The following PTPRD variants were observed in gnomAD, a reference collection of about 807,000 sequenced individuals.
PTPRD encodes the protein protein tyrosine phosphatase receptor type D.
PTPRD carries 34 observed loss-of-function variants against 214.5 expected under a neutral mutation model. The observed-to-expected ratio is 0.16, with a 90% confidence interval of 0.12 to 0.21. The LOEUF (loss-of-function observed/expected upper bound fraction) is 0.21. Among genes scored for constraint, PTPRD ranks in the 10% least tolerant of loss-of-function variants. PTPRD has a pLI of 1.00. For synonymous variants in PTPRD, 1,128 were observed against 845.7 expected (o/e 1.33, Z -5.79); for missense variants, 2,545 against 2,398.7 (o/e 1.06, Z -1.27).
intron 9 of PTPRD, among the ~76,000 whole-genome samples, chr9:9,233,097 C>T (rs1327677152): frequency 6.6e-6 from 1 of 152,060 alleles, no homozygotes; most frequent in African/African-American, 2.4e-5. Context: ...AGTTTGTTCC[C>T]ATGCTGCTAT....
intron 6 of PTPRD, among the ~76,000 whole-genome samples, chr9:9,747,002 G>C (rs774238175): frequency 2.0e-5 from 3 of 152,142 alleles, no homozygotes; most frequent in Non-Finnish European, 4.4e-5. Context: ...ATGTTAAACA[G>C]TTAAAAATTC....
chr9:9,548,555 T>C (rs7869663), intron 8 of PTPRD, among the ~76,000 whole-genome samples: 30,597 of 151,646 alleles, frequency 0.2, 3,431 homozygotes, highest in Non-Finnish European at 0.24. Context: ...TCTGCCACCA[T>C]GCCTGGCTAA....
intron 10 of PTPRD, among the ~76,000 whole-genome samples, chr9:9,118,764 T>G (rs996703997): frequency 4.6e-5 from 7 of 152,160 alleles, no homozygotes; most frequent in African/African-American, 1.7e-4. Flanking sequence ...CCTGCCCTTT[T>G]TATTTTTATA....
chr9:8,344,735 A>G (rs980322043), intron 39 of PTPRD, among the ~76,000 whole-genome samples: 1 of 152,028 alleles, frequency 6.6e-6, no homozygotes, highest in Non-Finnish European at 1.5e-5. Flanking sequence ...CTTGAGGCTT[A>G]AGGTACCTCT....
intron 2 of PTPRD, among the ~76,000 whole-genome samples, chr9:10,538,837 CT>C (rs1233758286): frequency 1.3e-5 from 2 of 152,056 alleles, no homozygotes; most frequent in African/African-American, 4.8e-5. Flanking sequence ...TGATAAATAT[CT>C]TGAATCTTGA....
At chr9:10,503,850 C>T (rs1207263194) in intron 2 of PTPRD, among the ~76,000 whole-genome samples, 1 of 151,832 alleles carries the variant, frequency 6.6e-6, no homozygotes, top group Non-Finnish European at 1.5e-5. Flanking sequence ...GGCGCGGGGG[C>T]TCACACCTGT....
At chr9:9,348,601 G>T (rs977505693) in intron 9 of PTPRD, among the ~76,000 whole-genome samples, 1 of 152,076 alleles carries the variant, frequency 6.6e-6, no homozygotes, top group East Asian at 1.9e-4. Context: ...CAGACACACT[G>T]TGTAATGGGA....
chr9:9,754,174 T>A (rs1366595387), intron 6 of PTPRD, among the ~76,000 whole-genome samples: 1 of 152,050 alleles, frequency 6.6e-6, no homozygotes, highest in Non-Finnish European at 1.5e-5. Context: ...TGAAACAGAA[T>A]TAATGACAAG....
intron 7 of PTPRD, among the ~76,000 whole-genome samples, chr9:9,728,709 G>A (rs1260219403): frequency 6.6e-6 from 1 of 152,062 alleles, no homozygotes; most frequent in African/African-American, 2.4e-5. Flanking sequence ...TTGTTAGATG[G>A]TCTTTAATAT....
intron 10 of PTPRD, among the ~76,000 whole-genome samples, chr9:9,162,129 G>A (rs541705932): frequency 2.0e-5 from 3 of 152,082 alleles, no homozygotes; most frequent in African/African-American, 7.2e-5. Flanking sequence ...GTCCATTTGT[G>A]CCTAGAAAAT....
At chr9:8,381,474 C>T (rs1338595451) in intron 37 of PTPRD, among the ~76,000 whole-genome samples, 3 of 151,944 alleles carry the variant, frequency 2.0e-5, no homozygotes, top group African/African-American at 7.3e-5. Context: ...GTTCTCTGCA[C>T]TCAATCAATA....
At chr9:10,334,914 A>C (rs1187750744) in intron 3 of PTPRD, among the ~76,000 whole-genome samples, 4 of 151,764 alleles carry the variant, frequency 2.6e-5, no homozygotes, top group Admixed American at 6.6e-5. Flanking sequence ...CATGATACAC[A>C]CTATGAAACT....
intron 39 of PTPRD, among the ~76,000 whole-genome samples, chr9:8,345,686 G>A (rs1195562089): frequency 9.2e-5 from 14 of 152,112 alleles, no homozygotes; most frequent in Admixed American, 8.5e-4. Context: ...CCTGTATCAC[G>A]GTTCCATTGA....
rs2095702420 is a variant in PTPRD at position 8,618,865 on chromosome 9, T to TG, written c.352+14451_352+14452insC. Reference sequence around the variant, plus strand: ...GTGCATGCCACCACACCCAGCTAATTTTGTGTGTGTGTGTGTGTGTGTGTG... The same window carrying TG: ...GTGCATGCCACCACACCCAGCTAATTGTTGTGTGTGTGTGTGTGTGTGTGTG... On this transcript the variant is annotated intron_variant, in intron 14 of 45. Transcript: ENST00000381196. Among the ~76,000 whole-genome samples the TG allele has an allele frequency of 3.7e-5, 5 of 136,494 alleles. No individual in the cohort carries two copies. In the East Asian group the frequency reaches 6.3e-4, roughly 17 times the overall value. The allele number at this position is 136,494 out of a possible 152,430, so 89.5% of individuals were successfully genotyped here.
intron 2 of PTPRD, among the ~76,000 whole-genome samples, chr9:10,534,212 T>C (rs527455957): frequency 6.6e-4 from 101 of 152,068 alleles, no homozygotes; most frequent in African/African-American, 2.3e-3. Context: ...TTTTAAACTT[T>C]AACATCAGAG....
chr9:10,573,881 C>T (rs940004249), intron 2 of PTPRD, among the ~76,000 whole-genome samples: 6 of 152,010 alleles, frequency 3.9e-5, no homozygotes, highest in Admixed American at 6.6e-5. Flanking sequence ...CACCATGGCA[C>T]GTGTATACCT....
At chr9:8,716,486 C>A (rs541977132) in intron 12 of PTPRD, among the ~76,000 whole-genome samples, 96 of 152,264 alleles carry the variant, frequency 6.3e-4, no homozygotes, top group Non-Finnish European at 1.3e-3. Context: ...ACAGAAATAG[C>A]TGGAAACTGC....
At chr9:9,959,120 A>C (rs1407025707) in intron 4 of PTPRD, among the ~76,000 whole-genome samples, 1 of 151,268 alleles carries the variant, frequency 6.6e-6, no homozygotes, top group Non-Finnish European at 1.5e-5. Context: ...CAGATGAATG[A>C]ATAAACAAAT....
At chr9:10,399,836 G>A (rs1267282918) in intron 2 of PTPRD, among the ~76,000 whole-genome samples, 1 of 151,826 alleles carries the variant, frequency 6.6e-6, no homozygotes, top group African/African-American at 2.4e-5. Flanking sequence ...CCTACAAGTG[G>A]TGGGAAGAAA....
Sources: gnomAD v4.1 joint callset for allele counts (sites outside exome capture counted in the v4.1 genomes callset) on GRCh38, gnomAD v4.1.1 for gene constraint, MANE v1.5 for transcripts, NCBI Gene and HGNC (gene_info 2026-07-23, HGNC 2026-07-21) for gene names.